The following CNBD2 variants were observed in gnomAD, a reference collection of about 807,000 sequenced individuals.
The protein encoded by CNBD2 is cyclic nucleotide-binding domain-containing protein 2.
CNBD2 carries 64 observed loss-of-function variants against 63.7 expected under a neutral mutation model. The ratio of observed to expected loss-of-function variants is 1.00; its 90% CI spans 0.82 to 1.24. The LOEUF (loss-of-function observed/expected upper bound fraction) is 1.24, where lower values mean the gene tolerates loss of function less well. Among genes scored for constraint, CNBD2 ranks in the 50% most tolerant of loss-of-function variants. The pLI, the probability that CNBD2 is intolerant of heterozygous loss-of-function variation, is 0.00. For synonymous variants in CNBD2, 229 were observed against 255.4 expected, an observed-to-expected ratio of 0.90 and a Z score of 0.99; for missense variants, 691 against 713.5, an observed-to-expected ratio of 0.97 and a Z score of 0.36.
chr20:36,006,280 G>A (rs1169733193), intron 8 of CNBD2, among the ~76,000 whole-genome samples: 4 of 151,486 alleles, frequency 2.6e-5, no homozygotes, highest in Admixed American at 6.6e-5. Flanking sequence ...TGCCCGCCTC[G>A]GCCTCCCAAA....
At chr20:36,022,189 T>TTTTTAC (rs2057220903) in intron 10 of CNBD2, among the ~76,000 whole-genome samples, 1 of 121,596 alleles carries the variant, frequency 8.2e-6, no homozygotes, top group Non-Finnish European at 1.6e-5. Context: ...TAATTCTTTT[T>TTTTTAC]TTTTTCTTTT....
rs528576206 is a variant in CNBD2, at chr20:35,983,885, T to TA, written c.408-96dup. 3,089 of 1,424,822 alleles carry TA rather than the reference T, an allele frequency of 2.2e-3. 29 individuals carry two copies. The highest frequency in any genetic ancestry group is 0.016 in the Middle Eastern group (73 of 4,570). 88.3% of individuals were successfully genotyped at this position (1,424,822 alleles called of 1,614,324 possible). On this transcript the variant is annotated intron_variant, in intron 4 of 11. Coordinates refer to ENST00000373973, the MANE Select transcript of CNBD2 (RefSeq NM_001365709.1). Reference sequence around the variant, plus strand: ...CTTCTGGTCCAAGTCTGTGCTCTTATATCCCAAAGCAAAGAGCACAACCAG... The same window carrying TA: ...CTTCTGGTCCAAGTCTGTGCTCTTATAATCCCAAAGCAAAGAGCACAACCAG...
chr20:35,995,219 C>T, intron 8 of CNBD2, 67 bp downstream of exon 8: 3 of 1,058,232 alleles, frequency 2.8e-6, no homozygotes, highest in Middle Eastern at 2.1e-4. Flanking sequence ...GTTCCCAGCA[C>T]ATAGAGCCTT....
chr20:35,957,980 C>T (rs1195876526), downstream of CNBD2, among the ~76,000 whole-genome samples: 1 of 152,182 alleles, frequency 6.6e-6, no homozygotes, highest in East Asian at 1.9e-4. Flanking sequence ...GATTGCAGAC[C>T]ATCCCTGAGA....
chr20:36,001,686 G>A (rs1163800651), intron 8 of CNBD2, among the ~76,000 whole-genome samples: 387 of 144,306 alleles, frequency 2.7e-3, no homozygotes, highest in African/African-American at 8.8e-3. Flanking sequence ...CAGACGGGGC[G>A]GCCGGGCAGA....
chr20:36,013,152 C>A (rs2057084767), intron 10 of CNBD2, among the ~76,000 whole-genome samples: 1 of 152,188 alleles, frequency 6.6e-6, no homozygotes, highest in African/African-American at 2.4e-5. Flanking sequence ...GGCATAGTGG[C>A]TCACGCCTGT....
intron 7 of CNBD2, among the ~76,000 whole-genome samples, chr20:35,991,380 G>A (rs949830794): frequency 2.6e-5 from 4 of 152,204 alleles, no homozygotes; most frequent in African/African-American, 9.7e-5. Context: ...ACCACCAGGG[G>A]CGTGGTGTGT....
At chr20:36,022,195 CTTTTTTTTT>C (rs753206662) in intron 10 of CNBD2, among the ~76,000 whole-genome samples, 2 of 56,264 alleles carry the variant, frequency 3.6e-5, no homozygotes, top group Non-Finnish European at 6.6e-5. Context: ...TTTTTTTTTT[CTTTTTTTTT>C]TTTTTTTTTT....
chr20:35,999,331 C>T (rs1269806480), intron 8 of CNBD2, among the ~76,000 whole-genome samples: 1 of 152,102 alleles, frequency 6.6e-6, no homozygotes, highest in Non-Finnish European at 1.5e-5. Flanking sequence ...ACTCTACCAT[C>T]TTGCTATTTT....
At chr20:35,997,208 A>C (rs1179770011) in intron 8 of CNBD2, among the ~76,000 whole-genome samples, 1 of 151,982 alleles carries the variant, frequency 6.6e-6, no homozygotes, top group Non-Finnish European at 1.5e-5. Flanking sequence ...CAGATGTCTT[A>C]TCTCTTACCT....
intron 10 of CNBD2, among the ~76,000 whole-genome samples, chr20:36,022,195 C>CTTTTTCTTTTTTT (rs1230527853): frequency 4.3e-4 from 24 of 56,304 alleles, no homozygotes; most frequent in African/African-American, 1.6e-3. Context: ...TTTTTTTTTT[C>CTTTTTCTTTTTTT]TTTTTTTTTT....
In CNBD2 at chr20:36,024,351, G is replaced by A. The variant is rs989222664; in HGVS notation, c.1439+580G>A. Among the ~76,000 whole-genome samples the A allele has an allele frequency of 5.3e-5, 8 of 151,566 alleles. No individual in the cohort carries two copies. In the East Asian group the frequency reaches 1.6e-3, roughly 29 times the overall value. On this transcript the variant is annotated intron_variant, in intron 11 of 11. Coordinates refer to ENST00000373973, the MANE Select transcript of CNBD2 (RefSeq NM_001365709.1). ...CTGTGTGTTAAAAAATAATAAGGCT[G>A]AGCGTGGTGGCTCACTCCTGTAATC...
At chr20:35,998,059 T>TTTTGGG (rs2056850026) in intron 8 of CNBD2, among the ~76,000 whole-genome samples, 1 of 148,984 alleles carries the variant, frequency 6.7e-6, no homozygotes, top group Non-Finnish European at 1.5e-5. Flanking sequence ...TTTTTTTTTT[T>TTTTGGG]GAGAGGGAGT....
rs143349795 is a variant in CNBD2 at position 35,971,927 on chromosome 20, A to G, written c.52-702A>G. 6.3e-4 allele frequency among the ~76,000 whole-genome samples: 96 copies of G among 152,250 alleles called. 2 individuals are homozygous for G. In the East Asian group the frequency reaches 0.016, roughly 26 times the overall value. On this transcript the variant is annotated intron_variant, in intron 1 of 11. Transcript: ENST00000373973. The stretch of plus-strand genomic sequence containing the variant: ...CTATCTTCTGTATTCACTTGTTCTC[A>G]GTCTAATTCCAAATTCCTGGGGAAA...
intron 7 of CNBD2, 23 bp from the exon 8 acceptor site, chr20:35,995,015 C>T (rs757834344): frequency 6.4e-7 from 1 of 1,570,246 alleles, no homozygotes; most frequent in South Asian, 1.1e-5. Context: ...TAACCCTTTT[C>T]CTATGTCCCT....
intron 10 of CNBD2, among the ~76,000 whole-genome samples, chr20:36,017,990 C>T (rs2057158004): frequency 6.6e-6 from 1 of 152,224 alleles, no homozygotes; most frequent in Non-Finnish European, 1.5e-5. Flanking sequence ...TTTTTTAGAA[C>T]AGTTTTTAGA....
chr20:36,021,779 G>A (rs752242293), intron 10 of CNBD2, among the ~76,000 whole-genome samples: 14 of 152,134 alleles, frequency 9.2e-5, no homozygotes, highest in African/African-American at 2.9e-4. Context: ...CTTAAAAAGC[G>A]GATTGCACCC....
Position 35,980,630 on chromosome 20 carries a change from A to AG in CNBD2, c.407+12dup. On this transcript the variant is annotated intron_variant, in intron 4 of 11. Coordinates refer to ENST00000373973, the MANE Select transcript of CNBD2 (RefSeq NM_001365709.1). The stretch of plus-strand genomic sequence containing the variant: ...AGTCATGCGCTTTGAACGGTCAGTG[A>AG]GGGGCACAGCCCTTGGCCACCAGGC... 3 of 1,612,488 alleles carry AG rather than the reference A, an allele frequency of 1.9e-6. No individual in the cohort carries two copies. The highest frequency in any genetic ancestry group is 2.0e-4 in the Middle Eastern group (1 of 4,946).
At chr20:36,014,418 C>T (rs1189609122) in intron 10 of CNBD2, among the ~76,000 whole-genome samples, 1 of 147,798 alleles carries the variant, frequency 6.8e-6, no homozygotes, top group Non-Finnish European at 1.5e-5. Flanking sequence ...TGACCTCTGC[C>T]TCCTGGGTTC....
Sources: allele counts gnomAD v4.1 joint callset (sites outside exome capture counted in the v4.1 genomes callset), GRCh38; gene constraint gnomAD v4.1.1; transcripts MANE v1.5; gene names NCBI Gene and HGNC (gene_info 2026-07-23, HGNC 2026-07-21).